POC5: variants seen among roughly 807,000 people sequenced by gnomAD.
POC5 encodes the protein centrosomal protein POC5.
Under a neutral mutation model 62.9 loss-of-function variants are expected in POC5, and 48 were observed. The observed-to-expected ratio is 0.76, with a 90% CI of 0.61 to 0.97. POC5 has a LOEUF of 0.97. Ranked by LOEUF, POC5 falls within the 50% of genes least tolerant of loss-of-function variation. POC5 has a pLI of 0.00. For missense variants in POC5, 696 were observed against 679.5 expected (o/e 1.02, Z -0.27); for synonymous variants, 236 against 228.2 (o/e 1.03, Z -0.31).
At chr5:75,674,928 G>T (rs1012308909) in intron 11 of POC5, among the ~76,000 whole-genome samples, 6 of 152,184 alleles carry the variant, frequency 3.9e-5, no homozygotes, top group Admixed American at 3.3e-4. Flanking sequence ...TGGAAGAGGG[G>T]TCAGCCCTGA....
chr5:75,702,822 A>G lies in POC5; in HGVS notation c.308-12T>C. 6.5e-7 allele frequency: 1 copy of G among 1,544,910 alleles called. No individual in the cohort carries two copies. The highest frequency in any genetic ancestry group is 8.8e-7 in the Non-Finnish European group (1 of 1,138,294). ...CACTGGTGATGACTCTGAATAAAAGAAAAGTTGTAGCTGTCAAGCCAAATT... is the reference window on the plus strand; with the variant it reads ...CACTGGTGATGACTCTGAATAAAAGGAAAGTTGTAGCTGTCAAGCCAAATT... On this transcript the variant is annotated splice_polypyrimidine_tract_variant and intron_variant, in intron 4 of 11. Coordinates refer to ENST00000428202, the MANE Select transcript of POC5 (RefSeq NM_001099271.2).
intron 4 of POC5, 67 bp downstream of exon 4, chr5:75,705,637 A>C: frequency 2.1e-6 from 2 of 935,346 alleles, no homozygotes; most frequent in Non-Finnish European, 3.1e-6. Context: ...CTCTTACTAC[A>C]TAGATAATAT....
At chr5:75,676,328 A>T (rs1209654953) in intron 11 of POC5, among the ~76,000 whole-genome samples, 1 of 152,228 alleles carries the variant, frequency 6.6e-6, no homozygotes, top group Non-Finnish European at 1.5e-5. Flanking sequence ...TCAAAAATAT[A>T]TAGAAAAGTC....
chr5:75,708,538 T>G (rs970119261), intron 2 of POC5, among the ~76,000 whole-genome samples: 6 of 152,304 alleles, frequency 3.9e-5, no homozygotes, highest in African/African-American at 1.4e-4. Context: ...AGAAGCAAAC[T>G]GGATACTTAA....
chr5:75,712,531 G>C, intron 2 of POC5: 1 of 1,335,334 alleles, frequency 7.5e-7, no homozygotes, highest in South Asian at 1.3e-5. Context: ...CATTAAAAGT[G>C]AAAGTAGCAT....
At chr5:75,689,877 TAATTTC>T (rs1316232832) in intron 8 of POC5, among the ~76,000 whole-genome samples, 1 of 152,126 alleles carries the variant, frequency 6.6e-6, no homozygotes, top group South Asian at 2.1e-4. Context: ...TGGGAAAAAA[TAATTTC>T]AATTTCTTTT....
intron 7 of POC5, among the ~76,000 whole-genome samples, chr5:75,691,130 C>T (rs1561468374): frequency 6.6e-6 from 1 of 152,202 alleles, no homozygotes. Context: ...TCAATTTCTT[C>T]AGTTTGAAAA....
intron 10 of POC5, among the ~76,000 whole-genome samples, chr5:75,683,860 T>C (rs898931632): frequency 2.0e-5 from 3 of 152,044 alleles, no homozygotes; most frequent in Non-Finnish European, 4.4e-5. Flanking sequence ...CACAGCACCA[T>C]GCCTGACTAA....
chr5:75,679,744 G>A (rs1245198261), intron 10 of POC5, among the ~76,000 whole-genome samples: 2 of 152,146 alleles, frequency 1.3e-5, no homozygotes, highest in African/African-American at 4.8e-5. Context: ...ATAACATACA[G>A]GGAGGATAAG....
chr5:75,686,077 T>A lies in POC5; in HGVS notation c.1130-593A>T, dbSNP rs1385215017. Among the ~76,000 whole-genome samples the A allele has an allele frequency of 3.3e-5, 5 of 152,334 alleles. No homozygotes were observed. In the South Asian group the frequency reaches 1.0e-3, roughly 32 times the overall value. Reference sequence around the variant, plus strand: ...TCTTGCAGATAAATTATATAAATCATAAGAGCATATTTGTGCACCTAACTG... The same window carrying A: ...TCTTGCAGATAAATTATATAAATCAAAAGAGCATATTTGTGCACCTAACTG... On this transcript the variant is annotated intron_variant, in intron 9 of 11. Transcript: ENST00000428202.
intron 5 of POC5, among the ~76,000 whole-genome samples, chr5:75,700,740 G>A (rs1180914662): frequency 7.2e-6 from 1 of 139,596 alleles, no homozygotes; most frequent in East Asian, 2.0e-4. Flanking sequence ...AAACTAAAGA[G>A]CTTCTGCACA....
At chr5:75,682,972 G>A (rs1775928622) in intron 10 of POC5, among the ~76,000 whole-genome samples, 2 of 152,182 alleles carry the variant, frequency 1.3e-5, no homozygotes, top group Admixed American at 1.3e-4. Flanking sequence ...ATTCAAACCT[G>A]TTAGAATACT....
chr5:75,688,545 G>A (rs931152079), intron 9 of POC5, among the ~76,000 whole-genome samples: 1 of 152,106 alleles, frequency 6.6e-6, no homozygotes, highest in Non-Finnish European at 1.5e-5. Context: ...CTATATTTAT[G>A]TTTGCTGCAA....
intron 3 of POC5, 103 bp downstream of exon 3, chr5:75,707,631 TGAG>T (rs1348481774): frequency 3.3e-6 from 3 of 900,926 alleles, no homozygotes; most frequent in Non-Finnish European, 3.3e-6. Context: ...CATAAATGGT[TGAG>T]AAGAATCACT....
At chr5:75,714,846 G>C (rs1312976850) in intron 1 of POC5, among the ~76,000 whole-genome samples, 3 of 152,160 alleles carry the variant, frequency 2.0e-5, no homozygotes, top group Non-Finnish European at 4.4e-5. Context: ...CTGGAGTTAA[G>C]CATTGTGGGA....
chr5:75,678,827 AT>A (rs1360528506), intron 10 of POC5, among the ~76,000 whole-genome samples: 2 of 152,186 alleles, frequency 1.3e-5, no homozygotes, highest in Non-Finnish European at 2.9e-5. Context: ...TTTGCTGCTT[AT>A]CGCTGGATAA....
At chr5:75,676,967 T>C (rs576315835) in intron 11 of POC5, among the ~76,000 whole-genome samples, 1 of 152,194 alleles carries the variant, frequency 6.6e-6, no homozygotes, top group Non-Finnish European at 1.5e-5. Flanking sequence ...AATTCAGAGA[T>C]ATCTCATGTA....
At chr5:75,695,419 T>C (rs1364049370) in intron 5 of POC5, among the ~76,000 whole-genome samples, 2 of 152,156 alleles carry the variant, frequency 1.3e-5, no homozygotes, top group Non-Finnish European at 2.9e-5. Flanking sequence ...AAATGGTTGG[T>C]GGTATAACAC....
chr5:75,688,503 T>A (rs184858104), intron 9 of POC5, among the ~76,000 whole-genome samples: 264 of 152,088 alleles, frequency 1.7e-3, no homozygotes, highest in African/African-American at 6.1e-3. Context: ...TGTGGATTTT[T>A]AAAAAAAATA....
Sources: allele counts gnomAD v4.1 joint callset (sites outside exome capture counted in the v4.1 genomes callset), GRCh38; gene constraint gnomAD v4.1.1; transcripts MANE v1.5; gene names NCBI Gene and HGNC (gene_info 2026-07-23, HGNC 2026-07-21).